Variants in ATP6V0A4 observed in about 807,000 individuals in gnomAD.
ATP6V0A4 encodes the protein ATPase H+ transporting V0 subunit a4.
A neutral mutation model predicts 107.3 loss-of-function variants in ATP6V0A4; 86 were observed. The ratio of observed to expected loss-of-function variants is 0.80; its 90% confidence interval spans 0.67 to 0.96. The LOEUF is 0.96. Ranked by LOEUF, ATP6V0A4 falls within the 40% of genes least tolerant of loss-of-function variation. ATP6V0A4 has a pLI of 0.00. For synonymous variants in ATP6V0A4, 353 were observed against 381.4 expected (o/e 0.93, Z 0.87); for missense variants, 908 against 1,045.6 (o/e 0.87, Z 1.81).
At chr7:138,750,583 C>T (rs1806171804) in intron 11 of ATP6V0A4, among the ~76,000 whole-genome samples, 3 of 152,232 alleles carry the variant, frequency 2.0e-5, no homozygotes, top group African/African-American at 7.2e-5. Flanking sequence ...ACAGCACGTG[C>T]CACATGCACA....
chr7:138,756,354 T>G (rs1806510958), intron 9 of ATP6V0A4, 104 bp downstream of exon 9: 4 of 1,569,430 alleles, frequency 2.5e-6, no homozygotes, highest in East Asian at 2.2e-5. Flanking sequence ...TTCTAAAGCC[T>G]TACTGACCTC....
chr7:138,771,360 G>A, intron 2 of ATP6V0A4, 96 bp from the exon 3 acceptor site: 5 of 1,341,422 alleles, frequency 3.7e-6, no homozygotes, highest in Non-Finnish European at 3.0e-6. Flanking sequence ...ATCTAACAGG[G>A]AAAAAAAATC....
In ATP6V0A4 at chr7:138,742,915, ATC is replaced by A. The variant is rs1562995585; in HGVS notation, c.1478+2206_1478+2207del. Among the ~76,000 whole-genome samples the A allele has an allele frequency of 7.2e-3, 1,089 of 151,526 alleles. 16 individuals are homozygous for A. The highest frequency in any genetic ancestry group is 0.025 in the African/African-American group (1,044 of 41,260). ...AATTGCAAAGCAAAAAAAAAAAAAA[ATC>A]ACAGATATAGCTGTCTGTATGTCAT... On this transcript the variant is annotated intron_variant, in intron 14 of 21. Coordinates refer to ENST00000310018, the MANE Select transcript of ATP6V0A4 (RefSeq NM_020632.3).
rs1054112508 is a variant in ATP6V0A4, at chr7:138,755,570, T to C, written c.816+119A>G. 6.6e-6 allele frequency: 9 copies of C among 1,358,430 alleles called. No individual in the cohort carries two copies. In the African/African-American group the frequency reaches 1.1e-4, roughly 17 times the overall value. The allele number at this position is 1,358,430 out of a possible 1,614,324, so 84.1% of individuals were successfully genotyped here. ...TTCCACAGCCACAACCAGAAAGGCA[T>C]AGCCAGCATTCCAGCCAGCCTCCCA... On this transcript the variant is annotated intron_variant, in intron 10 of 21. Transcript: ENST00000310018.
chr7:138,763,273 T>C (rs1806922695), intron 5 of ATP6V0A4, among the ~76,000 whole-genome samples: 1 of 151,074 alleles, frequency 6.6e-6, no homozygotes, highest in Admixed American at 6.6e-5. Flanking sequence ...CTTGGAGGAG[T>C]GGATGGCCAC....
chr7:138,773,446 C>A lies in ATP6V0A4; in HGVS notation c.-17-2182G>T, dbSNP rs1460141511. 6.6e-6 allele frequency among the ~76,000 whole-genome samples: 1 copy of A among 152,120 alleles called. No individual in the cohort carries two copies. The highest frequency in any genetic ancestry group is 1.5e-5 in the Non-Finnish European group (1 of 68,016). ...CTCCAGCTCCCTCAAGGAGCTAAGC[C>A]CCCTCCTACATGCCCCCAGAAGAGC... On this transcript the variant is annotated intron_variant, in intron 2 of 21. Coordinates refer to ENST00000310018, the MANE Select transcript of ATP6V0A4 (RefSeq NM_020632.3). This position sits in a 1 kb window ranked among gnomAD's most constrained non-coding sequence, Gnocchi z 5.4.
intron 2 of ATP6V0A4, among the ~76,000 whole-genome samples, chr7:138,784,253 CATATATATATATACATATATATATAT>C (rs1263684424): frequency 9.4e-6 from 1 of 106,194 alleles, no homozygotes; most frequent in South Asian, 2.4e-4. Flanking sequence ...TATATATATA[CATATATATATATACATATATATATAT>C]ACATATATAT....
At chr7:138,760,041 C>T (rs1384203863) in intron 7 of ATP6V0A4, 163 bp from the exon 8 acceptor site, 7 of 729,242 alleles carry the variant, frequency 9.6e-6, no homozygotes, top group South Asian at 1.2e-4. Flanking sequence ...AAGGCCACCC[C>T]GCATCCAGCC....
intron 11 of ATP6V0A4, among the ~76,000 whole-genome samples, chr7:138,751,553 C>G (rs987147628): frequency 1.5e-4 from 22 of 151,442 alleles, no homozygotes; most frequent in Admixed American, 3.3e-4. Flanking sequence ...CCACTCATCA[C>G]TGCCTGAAAT....
At chr7:138,777,485 G>A (rs1441120611) in intron 2 of ATP6V0A4, among the ~76,000 whole-genome samples, 2 of 151,726 alleles carry the variant, frequency 1.3e-5, no homozygotes, top group African/African-American at 2.4e-5. Flanking sequence ...GCTTGGTGGC[G>A]CATGCCTGTA....
In ATP6V0A4 at chr7:138,721,850, T is replaced by C. The variant is rs748390636; in HGVS notation, c.2139+47A>G. 1.9e-6 allele frequency: 3 copies of C among 1,608,398 alleles called. No homozygotes were observed. In the African/African-American group the frequency reaches 4.0e-5, roughly 22 times the overall value. On this transcript the variant is annotated intron_variant, in intron 19 of 21. Coordinates refer to ENST00000310018, the MANE Select transcript of ATP6V0A4 (RefSeq NM_020632.3). ...TCTACTGCCTATGTCCATTCTAGAA[T>C]TTGTACAAACTGGGGAGTCTTCCTC...
At chr7:138,796,122 G>A (rs569774804) in intron 1 of ATP6V0A4, among the ~76,000 whole-genome samples, 8 of 152,200 alleles carry the variant, frequency 5.3e-5, no homozygotes, top group Admixed American at 6.5e-5. Flanking sequence ...GGAAAACATC[G>A]AGGACAGCAT....
At chr7:138,724,967 G>C (rs975378088) in intron 18 of ATP6V0A4, among the ~76,000 whole-genome samples, 4 of 152,112 alleles carry the variant, frequency 2.6e-5, no homozygotes, top group African/African-American at 9.7e-5. Context: ...TTAGCTACTG[G>C]CAACTTTCTA....
In ATP6V0A4 at chr7:138,762,958, C is replaced by T. The variant is rs1284386310; in HGVS notation, c.359G>A (p.Ser120Asn). 1 of 1,614,140 alleles carries T rather than the reference C, an allele frequency of 6.2e-7. No individual in the cohort carries two copies. Among genetic ancestry groups the T allele is most frequent in the Non-Finnish European group, 8.5e-7 (1 of 1,180,038 alleles). Residue 120 changes from serine (S) to asparagine (N), a missense_variant, in exon 6 of 22, where the codon AGC becomes AAC. Transcript: ENST00000310018. The stretch of plus-strand genomic sequence containing the variant: ...TTTCAGTTCTGTCAGTTCTAGGAAG[C>T]TTTGTTTCAAGGCCTGCTGGTTCTG... The part of the protein sequence containing the change: ...ANQNQQALKQ[S>N]FLELTELKYL...
chr7:138,762,038 C>T (rs1016781291), intron 7 of ATP6V0A4, among the ~76,000 whole-genome samples: 14 of 152,150 alleles, frequency 9.2e-5, no homozygotes, highest in Non-Finnish European at 1.9e-4. Context: ...CTTGTTCCAA[C>T]GCCAGGGAAG....
chr7:138,736,404 A>G (rs968388456), intron 15 of ATP6V0A4, among the ~76,000 whole-genome samples: 1 of 152,316 alleles, frequency 6.6e-6, no homozygotes, highest in Non-Finnish European at 1.5e-5. Context: ...TCATAACCTC[A>G]GGAAGATTAA....
At chr7:138,712,058 G>A (rs759491471) in intron 20 of ATP6V0A4, among the ~76,000 whole-genome samples, 4 of 152,134 alleles carry the variant, frequency 2.6e-5, no homozygotes, top group African/African-American at 7.2e-5. Context: ...TCACCCTCCC[G>A]AGTAGCTGGG....
At chr7:138,729,939 A>T (rs1218676669) in intron 17 of ATP6V0A4, among the ~76,000 whole-genome samples, 1 of 152,094 alleles carries the variant, frequency 6.6e-6, no homozygotes, top group Non-Finnish European at 1.5e-5. Context: ...GCTGGAGTGC[A>T]GTGGCGCCAT....
intron 19 of ATP6V0A4, among the ~76,000 whole-genome samples, chr7:138,720,723 G>A (rs1033262980): frequency 7.9e-5 from 12 of 151,532 alleles, no homozygotes; most frequent in Middle Eastern, 3.4e-3. Flanking sequence ...TGCAACCTCT[G>A]CCTCCCAGGT....
Sources: allele counts gnomAD v4.1 joint callset (sites outside exome capture counted in the v4.1 genomes callset), GRCh38; gene constraint gnomAD v4.1.1; non-coding constraint Gnocchi (gnomAD v3.1); transcripts MANE v1.5; gene names NCBI Gene and HGNC (gene_info 2026-07-23, HGNC 2026-07-21).